Variants in EEIG2 observed in about 807,000 individuals in gnomAD.
EEIG2 encodes EEIG family member 2.
the EEIG2 span, among the ~76,000 whole-genome samples, chr1:108,618,342 A>G: frequency 6.6e-6 from 1 of 152,202 alleles, no homozygotes; most frequent in African/African-American, 2.4e-5. Context: ...CAAGATGCTC[A>G]TTGAAGAGCA....
chr1:108,635,063 C>T, the EEIG2 span: 2 of 1,609,424 alleles, frequency 1.2e-6, no homozygotes, highest in South Asian at 1.1e-5. Flanking sequence ...CAGTTTCAAA[C>T]ACTGCAGCTC....
chr1:108,578,691 A>G, the EEIG2 span, among the ~76,000 whole-genome samples: 1 of 151,906 alleles, frequency 6.6e-6, no homozygotes, highest in Admixed American at 6.6e-5. Flanking sequence ...GCCAGAGAGA[A>G]AGGTCGGGTT....
At chr1:108,619,549 T>A in the EEIG2 span, among the ~76,000 whole-genome samples, 1 of 152,214 alleles carries the variant, frequency 6.6e-6, no homozygotes, top group Non-Finnish European at 1.5e-5. Flanking sequence ...AGTTGTCTAA[T>A]CCAGTGATTT....
chr1:108,619,266 A>G, the EEIG2 span, among the ~76,000 whole-genome samples: 3 of 152,216 alleles, frequency 2.0e-5, no homozygotes, highest in Non-Finnish European at 4.4e-5. Context: ...AATTCATAAA[A>G]ATAAGCAGAC....
At chr1:108,573,057 A>G in the EEIG2 span, among the ~76,000 whole-genome samples, 1 of 152,184 alleles carries the variant, frequency 6.6e-6, no homozygotes, top group Non-Finnish European at 1.5e-5. Context: ...GTTGCCATAC[A>G]TTTGTGTGTG....
the EEIG2 span, among the ~76,000 whole-genome samples, chr1:108,623,070 A>T: frequency 2.7e-5 from 4 of 150,226 alleles, no homozygotes; most frequent in African/African-American, 9.8e-5. Context: ...CCCTGTCTCT[A>T]AAAAAAAATG....
At chr1:108,566,383 G>A in the EEIG2 span, among the ~76,000 whole-genome samples, 1 of 152,068 alleles carries the variant, frequency 6.6e-6, no homozygotes, top group Non-Finnish European at 1.5e-5. Context: ...TTACCAACTT[G>A]CCCTTCAGTG....
chr1:108,578,733 C>T, the EEIG2 span, among the ~76,000 whole-genome samples: 1 of 150,904 alleles, frequency 6.6e-6, no homozygotes, highest in East Asian at 2.0e-4. Flanking sequence ...AGACTAACAG[C>T]GGATCTCTCG....
the EEIG2 span, among the ~76,000 whole-genome samples, chr1:108,575,847 G>A: frequency 6.6e-6 from 1 of 152,176 alleles, no homozygotes. Context: ...GTGGATATGA[G>A]GTGTCTTTTG....
chr1:108,592,032 G>T, the EEIG2 span, among the ~76,000 whole-genome samples: 1 of 152,218 alleles, frequency 6.6e-6, no homozygotes, highest in Non-Finnish European at 1.5e-5. Context: ...AGGAAGCAGT[G>T]AAGGATTTTA....
the EEIG2 span, among the ~76,000 whole-genome samples, chr1:108,578,696 C>T: frequency 6.6e-5 from 10 of 151,774 alleles, no homozygotes; most frequent in East Asian, 1.4e-3. Flanking sequence ...AGAGAAAGGT[C>T]GGGTTACCCA....
the EEIG2 span, among the ~76,000 whole-genome samples, chr1:108,632,168 C>T: frequency 6.7e-6 from 1 of 148,728 alleles, no homozygotes; most frequent in Non-Finnish European, 1.5e-5. Context: ...TGCCCAAGGC[C>T]TTAAAACTAG....
chr1:108,628,425 G>C, the EEIG2 span: 1 of 1,613,994 alleles, frequency 6.2e-7, no homozygotes, highest in Non-Finnish European at 8.5e-7. Context: ...CGGTCATCTA[G>C]TTTCTCTGAG....
At chr1:108,592,320 T>G in the EEIG2 span, among the ~76,000 whole-genome samples, 14 of 152,354 alleles carry the variant, frequency 9.2e-5, no homozygotes, top group African/African-American at 3.4e-4. Flanking sequence ...TTCCTGTGTT[T>G]GGCAAATGAT....
chr1:108,629,676 G>A, the EEIG2 span: 1 of 1,582,108 alleles, frequency 6.3e-7, no homozygotes, highest in Non-Finnish European at 8.7e-7. Flanking sequence ...TACAAATAGT[G>A]TCTTATTAAA....
chr1:108,594,137 A>G, the EEIG2 span, among the ~76,000 whole-genome samples: 1 of 152,100 alleles, frequency 6.6e-6, no homozygotes, highest in Non-Finnish European at 1.5e-5. Flanking sequence ...AGTTCTCAGT[A>G]CATGCATAAT....
At chr1:108,603,344 A>G in the EEIG2 span, among the ~76,000 whole-genome samples, 1 of 152,212 alleles carries the variant, frequency 6.6e-6, no homozygotes, top group Admixed American at 6.5e-5. Flanking sequence ...AAATCTGGGG[A>G]CAACCAAAGA....
the EEIG2 span, among the ~76,000 whole-genome samples, chr1:108,582,660 G>C: frequency 6.0e-4 from 4 of 6,686 alleles, no homozygotes; most frequent in South Asian, 0.011. Flanking sequence ...AGACTTAACA[G>C]AATTTTTTCT....
the EEIG2 span, among the ~76,000 whole-genome samples, chr1:108,567,251 T>G: frequency 1.3e-5 from 2 of 152,220 alleles, no homozygotes; most frequent in African/African-American, 2.4e-5. Context: ...TAATAGTAGC[T>G]GACATTTATT....
Sources: gnomAD v4.1 joint callset for allele counts (sites outside exome capture counted in the v4.1 genomes callset) on GRCh38, gnomAD v4.1.1 for gene constraint, MANE v1.5 for transcripts, NCBI Gene and HGNC (gene_info 2026-07-23, HGNC 2026-07-21) for gene names.